The following TRHR variants were observed in gnomAD, a reference collection of about 807,000 sequenced individuals.
TRHR encodes the protein thyrotropin-releasing hormone receptor.
In TRHR, 14 loss-of-function variants were observed where a neutral mutation model predicts 28.0. That is an observed-to-expected ratio of 0.50 (90% confidence interval 0.33 to 0.78). The LOEUF (loss-of-function observed/expected upper bound fraction) is 0.78. Ranked by LOEUF, TRHR falls within the 30% of genes least tolerant of loss-of-function variation. TRHR has a pLI of 0.02. For synonymous variants in TRHR, 176 were observed against 171.9 expected (o/e 1.02, Z -0.18); for missense variants, 438 against 469.5 (o/e 0.93, Z 0.62).
intron 2 of TRHR, among the ~76,000 whole-genome samples, chr8:109,117,890 C>G (rs1470159168): frequency 6.6e-6 from 1 of 151,884 alleles, no homozygotes; most frequent in Admixed American, 6.6e-5. Flanking sequence ...TCTCACTGAA[C>G]AATTTTTCTA....
chr8:109,093,735 G>A (rs372388803), intron 2 of TRHR, among the ~76,000 whole-genome samples: 1 of 151,724 alleles, frequency 6.6e-6, no homozygotes, highest in Non-Finnish European at 1.5e-5. Flanking sequence ...ATGTTTTGGG[G>A]TATGAATGAA....
intron 2 of TRHR, among the ~76,000 whole-genome samples, chr8:109,117,016 GAA>G (rs1811932575): frequency 2.0e-5 from 3 of 152,102 alleles, no homozygotes; most frequent in Admixed American, 6.6e-5. Context: ...GACATTCCGT[GAA>G]AAGAGGCAGG....
At position 109,087,955 on chromosome 8, in the gene TRHR, TTGTC is replaced by T. The variant is rs759076328; in HGVS notation, c.446_449del (p.Val149GlyfsTer27). ...TCCAGAGCCAAAAAGATTATCATCT[TTGTC>T]TGGGCTTTCACATCTCTTTACTGTA... is the stretch of plus-strand genomic sequence containing the variant. On this transcript the variant is annotated frameshift_variant, in exon 2 of 3. Coordinates refer to ENST00000518632, the MANE Select transcript of TRHR (RefSeq NM_003301.7). LOFTEE classifies it high-confidence loss of function. 1.4e-5 allele frequency: 23 copies of T among 1,614,040 alleles called. 1 individual carries two copies. In the South Asian group the frequency reaches 1.5e-4, roughly 11 times the overall value.
chr8:109,118,082 T>C (rs1349475437), intron 2 of TRHR, among the ~76,000 whole-genome samples: 3 of 151,926 alleles, frequency 2.0e-5, no homozygotes, highest in Non-Finnish European at 4.4e-5. Context: ...GCTTTCTCTC[T>C]CTTTCACTTC....
In TRHR at chr8:109,119,513, C is replaced by T. The variant is rs927267448; in HGVS notation, c.*58C>T. On this transcript the variant is annotated 3_prime_UTR_variant, in exon 3 of 3. Transcript: ENST00000518632. Reference sequence around the variant, plus strand: ...AAATGAGAATCTGTGCAGTCATCAACAAAAGGGAGAACATGGCCAATAGTC... The same window carrying T: ...AAATGAGAATCTGTGCAGTCATCAATAAAAGGGAGAACATGGCCAATAGTC... The T allele has an allele frequency of 1.3e-6, 2 of 1,586,220 alleles. No individual in the cohort carries two copies. The highest frequency in any genetic ancestry group is 2.7e-5 in the African/African-American group (2 of 74,406).
intron 2 of TRHR, among the ~76,000 whole-genome samples, chr8:109,100,074 C>T (rs775711549): frequency 6.6e-6 from 1 of 152,162 alleles, no homozygotes; most frequent in Non-Finnish European, 1.5e-5. Flanking sequence ...AAGCCCCTGG[C>T]AATGTGCAGA....
chr8:109,098,398 C>T (rs1401991824), intron 2 of TRHR, among the ~76,000 whole-genome samples: 1 of 152,004 alleles, frequency 6.6e-6, no homozygotes, highest in Non-Finnish European at 1.5e-5. Context: ...TCCCAAAATG[C>T]TAGGATTACA....
chr8:109,088,884 C>A (rs1811482712), intron 2 of TRHR, among the ~76,000 whole-genome samples: 1 of 152,128 alleles, frequency 6.6e-6, no homozygotes, highest in Non-Finnish European at 1.5e-5. Context: ...TCCCAGCATG[C>A]AGAAGCTGAA....
intron 2 of TRHR, among the ~76,000 whole-genome samples, chr8:109,100,298 G>A (rs1811658887): frequency 1.3e-5 from 2 of 152,126 alleles, no homozygotes; most frequent in South Asian, 4.1e-4. Flanking sequence ...GAGATTATAA[G>A]GGGCTAGGAT....
At chr8:109,092,613 A>G (rs933549126) in intron 2 of TRHR, among the ~76,000 whole-genome samples, 10 of 151,482 alleles carry the variant, frequency 6.6e-5, no homozygotes, top group African/African-American at 2.2e-4. Flanking sequence ...ATTTTTTTCT[A>G]TTTTTAGTAG....
intron 2 of TRHR, among the ~76,000 whole-genome samples, chr8:109,111,123 G>A (rs1358799407): frequency 6.6e-6 from 1 of 152,126 alleles, no homozygotes; most frequent in Non-Finnish European, 1.5e-5. Flanking sequence ...CTGCACTCCA[G>A]CCTGGGCGAC....
intron 2 of TRHR, among the ~76,000 whole-genome samples, chr8:109,093,277 T>G (rs1811541027): frequency 6.6e-6 from 1 of 152,018 alleles, no homozygotes. Flanking sequence ...TGACCCTCTC[T>G]TAAGCTCTCC....
At chr8:109,103,162 T>G (rs572495614) in intron 2 of TRHR, among the ~76,000 whole-genome samples, 19 of 152,154 alleles carry the variant, frequency 1.2e-4, no homozygotes, top group Non-Finnish European at 2.5e-4. Flanking sequence ...CTCAAAAACA[T>G]GTGAACAAGG....
chr8:109,106,339 C>T (rs889229293), intron 2 of TRHR, among the ~76,000 whole-genome samples: 5 of 152,096 alleles, frequency 3.3e-5, no homozygotes, highest in African/African-American at 1.2e-4. Flanking sequence ...TCAAACTGAG[C>T]TTTGTATCTT....
intron 1 of TRHR, among the ~76,000 whole-genome samples, chr8:109,087,137 T>C (rs146726895): frequency 4.2e-4 from 64 of 152,084 alleles, no homozygotes; most frequent in Middle Eastern, 3.4e-3. Flanking sequence ...AGATATTTAG[T>C]TTTTTTCAAC....
intron 2 of TRHR, among the ~76,000 whole-genome samples, chr8:109,115,618 G>A (rs1455906745): frequency 6.6e-6 from 1 of 152,070 alleles, no homozygotes; most frequent in African/African-American, 2.4e-5. Context: ...GTCTGTTATT[G>A]GTGTATAAGA....
chr8:109,107,381 G>A (rs74663167), intron 2 of TRHR, among the ~76,000 whole-genome samples: 47 of 152,184 alleles, frequency 3.1e-4, no homozygotes, highest in Middle Eastern at 3.4e-3. Context: ...TTTCACAGAC[G>A]TATATACTGA....
Position 109,103,826 on chromosome 8 carries a change from G to A in TRHR, c.790-15222G>A, listed in dbSNP as rs573765176. Among the ~76,000 whole-genome samples the A allele has an allele frequency of 6.6e-5, 10 of 152,152 alleles. No homozygotes were observed. In the South Asian group the frequency reaches 1.5e-3, roughly 22 times the overall value. On this transcript the variant is annotated intron_variant, in intron 2 of 2. Coordinates refer to ENST00000518632, the MANE Select transcript of TRHR (RefSeq NM_003301.7). Reference sequence around the variant, plus strand: ...TCGGGAAAGGTTATTAAATCACACCGGGCTCACTGTTCCCATCATTAACAT... The same window carrying A: ...TCGGGAAAGGTTATTAAATCACACCAGGCTCACTGTTCCCATCATTAACAT...
chr8:109,088,085 T>A lies in TRHR; in HGVS notation c.573T>A (p.Ile191=), dbSNP rs1353284411. 5.0e-6 allele frequency: 8 copies of A among 1,614,188 alleles called. No individual in the cohort carries two copies. The highest frequency in any genetic ancestry group is 6.8e-6 in the Non-Finnish European group (8 of 1,180,032). The change falls in exon 2 of 3, where the codon ATT becomes ATA. Residue 191 remains isoleucine, a synonymous_variant. Transcript: ENST00000518632. The part of the protein sequence containing the change: ...YKISRNYYSP[I]YLMDFGVFYV... ...TCTCCAGGAATTACTACTCACCTAT[T>A]TACCTAATGGACTTTGGTGTCTTTT... is the stretch of plus-strand genomic sequence containing the variant.
Sources: allele counts gnomAD v4.1 joint callset (sites outside exome capture counted in the v4.1 genomes callset), GRCh38; gene constraint gnomAD v4.1.1; transcripts MANE v1.5; gene names NCBI Gene and HGNC (gene_info 2026-07-23, HGNC 2026-07-21).